Variants in FAM117B observed in about 807,000 individuals in gnomAD.
The protein encoded by FAM117B is protein FAM117B.
FAM117B carries 22 observed loss-of-function variants against 52.8 expected under a neutral mutation model. The ratio of observed to expected loss-of-function variants is 0.42; its 90% CI spans 0.30 to 0.59. The LOEUF is 0.59. Ranked by LOEUF, FAM117B falls within the 20% of genes least tolerant of loss-of-function variation. The pLI is 0.22. For synonymous variants in FAM117B, 309 were observed against 324.1 expected (o/e 0.95, Z 0.50); for missense variants, 678 against 802.6 (o/e 0.84, Z 1.88).
At chr2:202,720,311 A>T (rs753953561) in intron 2 of FAM117B, among the ~76,000 whole-genome samples, 1 of 151,816 alleles carries the variant, frequency 6.6e-6, no homozygotes, top group Non-Finnish European at 1.5e-5. Context: ...CCTTTTTATT[A>T]TGGAAATGTT....
intron 1 of FAM117B, among the ~76,000 whole-genome samples, chr2:202,664,138 ATAAC>A (rs1690168961): frequency 6.6e-6 from 1 of 152,258 alleles, no homozygotes; most frequent in Non-Finnish European, 1.5e-5. Context: ...TTCACAAATA[ATAAC>A]TAATTATCCC....
intron 1 of FAM117B, among the ~76,000 whole-genome samples, chr2:202,646,510 T>C (rs890834399): frequency 1.3e-5 from 2 of 152,182 alleles, no homozygotes; most frequent in Non-Finnish European, 2.9e-5. Context: ...GTAGTGTCCT[T>C]AAGTCCAGAG....
At chr2:202,706,717 G>A (rs1690874023) in intron 2 of FAM117B, among the ~76,000 whole-genome samples, 1 of 152,178 alleles carries the variant, frequency 6.6e-6, no homozygotes, top group Admixed American at 6.5e-5. Context: ...AAATGAAGAA[G>A]TAAAATTACT....
intron 1 of FAM117B, among the ~76,000 whole-genome samples, chr2:202,644,075 T>TTTTTTTTTTTTTG (rs1559092809): frequency 6.8e-6 from 1 of 146,712 alleles, no homozygotes; most frequent in Non-Finnish European, 1.5e-5. Context: ...TTTTTTTTTT[T>TTTTTTTTTTTTTG]TTTTTTTTTC....
At chr2:202,671,714 A>G (rs150728896) in intron 1 of FAM117B, among the ~76,000 whole-genome samples, 8 of 152,340 alleles carry the variant, frequency 5.3e-5, no homozygotes, top group Non-Finnish European at 7.4e-5. Context: ...ATTCCCATAT[A>G]TTGGTAGAGC....
intron 1 of FAM117B, among the ~76,000 whole-genome samples, chr2:202,668,121 TA>T (rs1350507887): frequency 6.9e-6 from 1 of 144,082 alleles, no homozygotes; most frequent in Non-Finnish European, 1.5e-5. Flanking sequence ...AATATTTTTA[TA>T]AAATATATAT....
At chr2:202,693,502 A>G (rs1690665223) in intron 1 of FAM117B, among the ~76,000 whole-genome samples, 1 of 152,222 alleles carries the variant, frequency 6.6e-6, no homozygotes, top group Non-Finnish European at 1.5e-5. Flanking sequence ...AGGCTGAGGC[A>G]GGAGAATCAC....
intron 4 of FAM117B, among the ~76,000 whole-genome samples, chr2:202,732,187 G>A (rs917502896): frequency 6.6e-6 from 1 of 152,008 alleles, no homozygotes; most frequent in South Asian, 2.1e-4. Context: ...CACCGCGCCT[G>A]GCTGGAACTT....
At chr2:202,647,730 C>CA (rs1194277219) in intron 1 of FAM117B, among the ~76,000 whole-genome samples, 4 of 152,160 alleles carry the variant, frequency 2.6e-5, no homozygotes, top group Non-Finnish European at 4.4e-5. Flanking sequence ...CATCTGCTTC[C>CA]AAAACAACTT....
chr2:202,762,109 C>G (rs978698320), intron 7 of FAM117B, among the ~76,000 whole-genome samples: 8 of 152,176 alleles, frequency 5.3e-5, no homozygotes, highest in Non-Finnish European at 1.0e-4. Flanking sequence ...AACCACCGTG[C>G]ACACCACAAT....
At chr2:202,670,784 A>C (rs897728604) in intron 1 of FAM117B, among the ~76,000 whole-genome samples, 1 of 152,176 alleles carries the variant, frequency 6.6e-6, no homozygotes, top group African/African-American at 2.4e-5. Flanking sequence ...AGAAGAATGA[A>C]TTATTGTTAT....
chr2:202,673,162 T>A (rs577848486), intron 1 of FAM117B, among the ~76,000 whole-genome samples: 7 of 152,304 alleles, frequency 4.6e-5, no homozygotes, highest in African/African-American at 1.7e-4. Context: ...GTTAACATAT[T>A]TTTGGTTGCA....
chr2:202,637,690 C>T (rs1358883153), intron 1 of FAM117B, among the ~76,000 whole-genome samples: 3 of 152,024 alleles, frequency 2.0e-5, no homozygotes, highest in African/African-American at 7.3e-5. Context: ...CTCATTTAAC[C>T]CTCACTATAG....
At chr2:202,647,198 G>T (rs566238273) in intron 1 of FAM117B, among the ~76,000 whole-genome samples, 5 of 152,032 alleles carry the variant, frequency 3.3e-5, no homozygotes, top group Admixed American at 3.3e-4. Flanking sequence ...AATGTTTATA[G>T]TAAAAGCTAC....
At chr2:202,691,696 T>TGTGC (rs1395731578) in intron 1 of FAM117B, among the ~76,000 whole-genome samples, 6 of 129,434 alleles carry the variant, frequency 4.6e-5, no homozygotes, top group African/African-American at 1.9e-4. Context: ...TGTGTGTGTG[T>TGTGC]GTGCGCGCGC....
At chr2:202,765,415 A>G (rs1691960549) in intron 7 of FAM117B, 31 bp from the exon 8 acceptor site, 1 of 1,564,604 alleles carries the variant, frequency 6.4e-7, no homozygotes, top group African/African-American at 1.4e-5. Flanking sequence ...TCAGTGACTT[A>G]AAAGCATTGG....
chr2:202,699,450 A>G lies in FAM117B; in HGVS notation c.753+3418A>G, dbSNP rs7420514. 8.0e-3 allele frequency among the ~76,000 whole-genome samples: 624 copies of G among 77,650 alleles called. 7 individuals are homozygous for G. The highest frequency in any genetic ancestry group is 0.036 in the African/African-American group (487 of 13,636). The allele number at this position is 77,650 out of a possible 152,430, so 50.9% of individuals were successfully genotyped here. A position where few individuals can be genotyped will look rare whatever the true frequency, so the allele number is the denominator to read the frequency against. On this transcript the variant is annotated intron_variant, in intron 2 of 7. Coordinates refer to ENST00000392238, the MANE Select transcript of FAM117B (RefSeq NM_173511.4). ...TCAAAAAAAAAAAAAAAAAAAAAAG[A>G]AAAAAAAAAAAAAAGAAAGAAAGAA...
chr2:202,673,637 G>A (rs1271495253), intron 1 of FAM117B, among the ~76,000 whole-genome samples: 2 of 151,166 alleles, frequency 1.3e-5, no homozygotes, highest in East Asian at 3.9e-4. Context: ...TAGTAGAGAT[G>A]GGGTTTCACC....
chr2:202,741,530 C>A (rs1691538184), intron 4 of FAM117B, among the ~76,000 whole-genome samples: 1 of 145,938 alleles, frequency 6.9e-6, no homozygotes, highest in African/African-American at 2.6e-5. Flanking sequence ...TCAATAAAAC[C>A]AATGAAAAAA....
Sources: allele counts gnomAD v4.1 joint callset (sites outside exome capture counted in the v4.1 genomes callset), GRCh38; gene constraint gnomAD v4.1.1; transcripts MANE v1.5; gene names NCBI Gene and HGNC (gene_info 2026-07-23, HGNC 2026-07-21).